Variants in CDK17 observed in about 807,000 individuals in gnomAD.
The protein encoded by CDK17 is cyclin dependent kinase 17.
A neutral mutation model predicts 77.6 loss-of-function variants in CDK17; 24 were observed. The ratio of observed to expected loss-of-function variants is 0.31; its 90% confidence interval spans 0.22 to 0.44. The LOEUF (loss-of-function observed/expected upper bound fraction) is 0.44. Ranked by LOEUF, CDK17 falls within the 20% of genes least tolerant of loss-of-function variation. The pLI is 1.00. For missense variants in CDK17, 429 were observed against 622.5 expected, an observed-to-expected ratio of 0.69 and a Z score of 3.31; for synonymous variants, 203 against 210.4, an observed-to-expected ratio of 0.96 and a Z score of 0.30.
intron 5 of CDK17, among the ~76,000 whole-genome samples, chr12:96,309,603 T>C (rs1057042510): frequency 5.3e-5 from 8 of 152,282 alleles, no homozygotes; most frequent in East Asian, 1.9e-4. Context: ...TAAAGTATAC[T>C]TAAAAATTCG....
intron 5 of CDK17, among the ~76,000 whole-genome samples, chr12:96,304,552 G>T (rs895808025): frequency 1.3e-5 from 2 of 148,360 alleles, no homozygotes; most frequent in African/African-American, 5.0e-5. Context: ...CAACAAAAAA[G>T]AAACAGCAGG....
chr12:96,282,824 G>A (rs1368736552), intron 14 of CDK17, among the ~76,000 whole-genome samples: 2 of 152,152 alleles, frequency 1.3e-5, no homozygotes, highest in Non-Finnish European at 1.5e-5. Flanking sequence ...GATAAGGCTG[G>A]ATCTTAAACA....
At chr12:96,332,445 T>C (rs1565823472) in intron 2 of CDK17, among the ~76,000 whole-genome samples, 1 of 152,268 alleles carries the variant, frequency 6.6e-6, no homozygotes, top group African/African-American at 2.4e-5. Context: ...CATTATGCTA[T>C]ATTCTCTGTA....
chr12:96,385,492 T>C (rs1452908149), intron 1 of CDK17, among the ~76,000 whole-genome samples: 1 of 152,100 alleles, frequency 6.6e-6, no homozygotes, highest in Non-Finnish European at 1.5e-5. Context: ...CCTGCACTTG[T>C]ATGCCCTGAA....
intron 1 of CDK17, among the ~76,000 whole-genome samples, chr12:96,391,936 C>T (rs1954075268): frequency 6.6e-6 from 1 of 152,122 alleles, no homozygotes; most frequent in African/African-American, 2.4e-5. Flanking sequence ...AAAATGTATT[C>T]TTGATTGCTT....
chr12:96,311,166 C>A lies in CDK17; in HGVS notation c.429G>T (p.Lys143Asn). ...TGATGTCTGCAGGCAGTGATAACCG[C>A]TTATTTAAATCCTTAAAAAAAAAAA... ...HRRISMEDLN[K>N]RLSLPADIRI... is the part of the protein sequence containing the mutation. Residue 143 changes from lysine (K) to asparagine (N), a missense_variant, in exon 5 of 17, where the codon AAG becomes AAT. This residue lies in a region of CDK17 where 262 missense variants were observed against 385.4 expected (regional missense o/e 0.68). Transcript: ENST00000261211. 2 of 1,533,962 alleles carry A rather than the reference C, an allele frequency of 1.3e-6. No individual in the cohort carries two copies. Among genetic ancestry groups the A allele is most frequent in the South Asian group, 2.5e-5 (2 of 78,638 alleles).
intron 3 of CDK17, among the ~76,000 whole-genome samples, chr12:96,316,972 G>C (rs1427486974): frequency 2.0e-5 from 3 of 149,860 alleles, no homozygotes; most frequent in East Asian, 4.0e-4. Context: ...ACTTTGACGA[G>C]CTGAGAGAAG....
intron 3 of CDK17, among the ~76,000 whole-genome samples, chr12:96,317,091 C>T (rs1952740886): frequency 7.4e-6 from 1 of 135,728 alleles, no homozygotes; most frequent in Non-Finnish European, 1.6e-5. Flanking sequence ...ACTAGAATAA[C>T]CAATACAGAG....
intron 5 of CDK17, among the ~76,000 whole-genome samples, chr12:96,306,593 C>T (rs1952580528): frequency 6.6e-6 from 1 of 151,888 alleles, no homozygotes; most frequent in Non-Finnish European, 1.5e-5. Flanking sequence ...CTTTTCCTAC[C>T]TCCTTTCTAT....
rs1952287388 is a variant in CDK17 at position 96,289,251 on chromosome 12, T to C, written c.1034A>G (p.Tyr345Cys). ...ARAKSVPTKT[Y>C]SNEVVTLWYR... is the part of the protein sequence containing the mutation. ...CCATAGTGTGACAACTTCATTTGAG[T>C]AGGTCTTTGTGGGAACTGACTTGGC... The change falls in exon 11 of 17, where the codon TAC becomes TGC. Residue 345 changes from tyrosine (Y) to cysteine (C), a missense_variant. This residue lies in a region of CDK17 where 51 missense variants were observed against 96.5 expected (regional missense o/e 0.53). Transcript: ENST00000261211. 6.2e-7 allele frequency: 1 copy of C among 1,613,722 alleles called. No homozygotes were observed. The highest frequency in any genetic ancestry group is 1.7e-5 in the Admixed American group (1 of 59,986).
chr12:96,284,708 G>A (rs945588126), intron 13 of CDK17, among the ~76,000 whole-genome samples: 3 of 151,668 alleles, frequency 2.0e-5, no homozygotes, highest in Non-Finnish European at 2.9e-5. Flanking sequence ...AGGATTACAG[G>A]CATGCACCAC....
At chr12:96,371,347 T>C (rs1953689882) in intron 1 of CDK17, among the ~76,000 whole-genome samples, 2 of 152,136 alleles carry the variant, frequency 1.3e-5, no homozygotes, top group Admixed American at 1.3e-4. Flanking sequence ...CGTAAAGATA[T>C]CCCGTGAAGC....
chr12:96,376,569 A>C (rs755531797), intron 1 of CDK17, among the ~76,000 whole-genome samples: 1 of 152,246 alleles, frequency 6.6e-6, no homozygotes, highest in Non-Finnish European at 1.5e-5. Context: ...TTACAAGCTC[A>C]GTTCAGTGAC....
In CDK17 at chr12:96,400,031, C is replaced by G. The variant is rs1954234853; in HGVS notation, c.-75G>C. On this transcript the variant is annotated 5_prime_UTR_variant, in exon 1 of 17. Transcript: ENST00000261211. ...GGTCCCGAGGCGAGGCGAAGAGAGGCGCGGGGGGAAGCTGCTCCGCGGACG... is the reference window on the plus strand; with the variant it reads ...GGTCCCGAGGCGAGGCGAAGAGAGGGGCGGGGGGAAGCTGCTCCGCGGACG... 2.6e-6 allele frequency: 1 copy of G among 386,202 alleles called. No homozygotes were observed. Among genetic ancestry groups the G allele is most frequent in the East Asian group, 3.7e-5 (1 of 27,090 alleles). 23.9% of individuals were successfully genotyped at this position (386,202 alleles called of 1,614,324 possible). A position where few individuals can be genotyped will look rare whatever the true frequency, so the allele number is the denominator to read the frequency against.
At chr12:96,295,733 T>A (rs932697645) in intron 9 of CDK17, among the ~76,000 whole-genome samples, 4 of 152,180 alleles carry the variant, frequency 2.6e-5, no homozygotes, top group Admixed American at 2.0e-4. Context: ...ACCTCCTACT[T>A]AGCCTTCAAA....
chr12:96,298,018 C>T (rs952225146), intron 7 of CDK17, among the ~76,000 whole-genome samples: 4 of 151,878 alleles, frequency 2.6e-5, no homozygotes, highest in African/African-American at 4.8e-5. Flanking sequence ...AGGCTGGGCA[C>T]GGTGGCTCAT....
intron 11 of CDK17, 67 bp downstream of exon 11, chr12:96,289,100 T>C (rs1952283777): frequency 6.7e-7 from 1 of 1,502,612 alleles, no homozygotes. Flanking sequence ...TACTTATCAA[T>C]ACATCTTGCA....
Position 96,280,853 on chromosome 12 carries a change from A to G in CDK17, c.1489T>C (p.Leu497=). 1 of 1,614,034 alleles carries G rather than the reference A, an allele frequency of 6.2e-7. No individual in the cohort carries two copies. Among genetic ancestry groups the G allele is most frequent in the South Asian group, 1.1e-5 (1 of 91,064 alleles). ...VSIFSLKEIQ[L]QKDPGFRNSS... ...TTTCGAAAACCCGGGTCCTTTTGCA[A>G]CTGAATCTCTTTCAAACTGAATATT... is the stretch of plus-strand genomic sequence containing the variant. The change falls in exon 16 of 17, where the codon TTG becomes CTG. Residue 497 remains leucine, a synonymous_variant. Coordinates refer to ENST00000261211, the MANE Select transcript of CDK17 (RefSeq NM_002595.5).
intron 1 of CDK17, among the ~76,000 whole-genome samples, chr12:96,347,337 G>A (rs181400313): frequency 4.9e-4 from 74 of 151,906 alleles, no homozygotes; most frequent in Middle Eastern, 3.4e-3. Context: ...GCAGAGGCGG[G>A]CAGATCACCT....
Sources: allele counts gnomAD v4.1 joint callset (sites outside exome capture counted in the v4.1 genomes callset), GRCh38; gene constraint gnomAD v4.1.1; regional missense constraint gnomAD v4.1.1; transcripts MANE v1.5; gene names NCBI Gene and HGNC (gene_info 2026-07-23, HGNC 2026-07-21).